TENM2: variants seen among roughly 807,000 people sequenced by gnomAD.
TENM2 encodes the protein teneurin-2.
A neutral mutation model predicts 245.2 loss-of-function variants in TENM2; 52 were observed. The ratio of observed to expected loss-of-function variants is 0.21; its 90% CI spans 0.17 to 0.27. TENM2 has a LOEUF of 0.27. Ranked by LOEUF, TENM2 falls within the 10% of genes least tolerant of loss-of-function variation. The pLI is 1.00. For missense variants in TENM2, 3,046 were observed against 3,666.8 expected, an observed-to-expected ratio of 0.83 and a Z score of 4.37; for synonymous variants, 1,363 against 1,438.9, an observed-to-expected ratio of 0.95 and a Z score of 1.19.
chr5:167,991,421 T>C (rs1314723212), intron 4 of TENM2, among the ~76,000 whole-genome samples: 1 of 152,180 alleles, frequency 6.6e-6, no homozygotes, highest in Non-Finnish European at 1.5e-5. Flanking sequence ...GATTCTAGCA[T>C]TTACTTAACT....
intron 2 of TENM2, among the ~76,000 whole-genome samples, chr5:167,465,911 C>G (rs1475596561): frequency 6.6e-6 from 1 of 152,118 alleles, no homozygotes; most frequent in African/African-American, 2.4e-5. Flanking sequence ...TGGGATGTAT[C>G]AGTATCTGCC....
intron 13 of TENM2, among the ~76,000 whole-genome samples, chr5:168,172,044 A>G (rs779736906): frequency 6.6e-5 from 10 of 152,132 alleles, no homozygotes; most frequent in Middle Eastern, 3.2e-3. Flanking sequence ...GTGGTTCCCT[A>G]CCGGGGCAAC....
intron 2 of TENM2, among the ~76,000 whole-genome samples, chr5:167,665,576 T>C (rs1162006605): frequency 2.0e-5 from 3 of 152,154 alleles, no homozygotes; most frequent in Non-Finnish European, 4.4e-5. Context: ...GAGTGCTTCA[T>C]ATTGAAAAAG....
chr5:168,262,114 G>A (rs373551308), exon 29 of TENM2: 5 of 1,613,894 alleles, frequency 3.1e-6, no homozygotes, highest in South Asian at 1.1e-5. Context: ...TGGAAGGACA[G>A]GTCATTACTA....
intron 2 of TENM2, among the ~76,000 whole-genome samples, chr5:167,444,309 A>G (rs947860000): frequency 7.9e-5 from 12 of 151,792 alleles, no homozygotes; most frequent in Admixed American, 7.2e-4. Flanking sequence ...ACACACACAC[A>G]CACACACACA....
chr5:167,306,910 T>TA (rs1240747007), intron 1 of TENM2, among the ~76,000 whole-genome samples: 1 of 152,234 alleles, frequency 6.6e-6, no homozygotes. Context: ...ATCACTCTGC[T>TA]AAGGACAACC....
At chr5:167,911,765 C>T (rs1275809161) in intron 3 of TENM2, among the ~76,000 whole-genome samples, 1 of 152,128 alleles carries the variant, frequency 6.6e-6, no homozygotes, top group Non-Finnish European at 1.5e-5. Context: ...TCCTTGTCCT[C>T]CAAGGGCACT....
the TENM2 span, among the ~76,000 whole-genome samples, chr5:167,074,721 C>A: frequency 6.6e-6 from 1 of 152,198 alleles, no homozygotes; most frequent in South Asian, 2.1e-4. Context: ...TGGCTCCATA[C>A]GTTTTCATGG....
chr5:167,790,111 G>A (rs958600035), intron 2 of TENM2, among the ~76,000 whole-genome samples: 1 of 151,976 alleles, frequency 6.6e-6, no homozygotes, highest in Admixed American at 6.6e-5. Flanking sequence ...ATAAAAAGCA[G>A]ACTTTTTTTT....
chr5:168,168,289 T>C (rs751462521), intron 13 of TENM2, among the ~76,000 whole-genome samples: 1 of 152,184 alleles, frequency 6.6e-6, no homozygotes, highest in Non-Finnish European at 1.5e-5. Context: ...CCTAATGTCA[T>C]AGTGCTTATA....
intron 5 of TENM2, among the ~76,000 whole-genome samples, chr5:168,044,685 A>T (rs1316565404): frequency 6.6e-6 from 1 of 152,156 alleles, no homozygotes; most frequent in Non-Finnish European, 1.5e-5. Flanking sequence ...AGGAGCCATT[A>T]TTCTACCTGT....
At chr5:167,998,905 G>A (rs1483639926) in intron 5 of TENM2, among the ~76,000 whole-genome samples, 1 of 152,120 alleles carries the variant, frequency 6.6e-6, no homozygotes, top group Non-Finnish European at 1.5e-5. Flanking sequence ...ATTTTCTATG[G>A]AAACTAAAAG....
chr5:167,733,356 T>C (rs915339175), intron 2 of TENM2, among the ~76,000 whole-genome samples: 5 of 151,208 alleles, frequency 3.3e-5, no homozygotes, highest in African/African-American at 1.2e-4. Flanking sequence ...TAACATCTGA[T>C]GATTTGATTT....
At chr5:167,826,460 G>T (rs1191210167) in intron 2 of TENM2, among the ~76,000 whole-genome samples, 4 of 152,090 alleles carry the variant, frequency 2.6e-5, no homozygotes, top group East Asian at 1.9e-4. Context: ...CTCTGCAAAA[G>T]GAAAACTATA....
At chr5:168,215,129 G>A (rs756307223) in exon 21 of TENM2, 16 of 1,613,746 alleles carry the variant, frequency 9.9e-6, no homozygotes, top group Admixed American at 6.7e-5. Context: ...AGAATCTACC[G>A]CGTCAAGTCT....
At chr5:167,942,534 C>T (rs551651508) in intron 3 of TENM2, among the ~76,000 whole-genome samples, 6 of 152,176 alleles carry the variant, frequency 3.9e-5, no homozygotes, top group East Asian at 3.9e-4. Context: ...TGGAGCACAC[C>T]GGGACCCAGT....
At chr5:167,436,664 G>A (rs1403804335) in intron 2 of TENM2, among the ~76,000 whole-genome samples, 1 of 152,162 alleles carries the variant, frequency 6.6e-6, no homozygotes, top group Non-Finnish European at 1.5e-5. Context: ...AGAGGACTAG[G>A]AGAAAATGGT....
At chr5:167,969,621 C>CTT (rs1781624853) in intron 4 of TENM2, among the ~76,000 whole-genome samples, 2 of 152,194 alleles carry the variant, frequency 1.3e-5, no homozygotes, top group Non-Finnish European at 2.9e-5. Flanking sequence ...TCAAGTAATA[C>CTT]TTAAACTCAG....
intron 15 of TENM2, among the ~76,000 whole-genome samples, chr5:168,196,826 G>A (rs34608084): frequency 0.28 from 42,429 of 152,118 alleles, 7,100 homozygotes; most frequent in East Asian, 0.6. Flanking sequence ...ACAACAGAAG[G>A]AGACATTTCT....
Sources: gnomAD v4.1 joint callset for allele counts (sites outside exome capture counted in the v4.1 genomes callset) on GRCh38, gnomAD v4.1.1 for gene constraint, MANE v1.5 for transcripts, NCBI Gene and HGNC (gene_info 2026-07-23, HGNC 2026-07-21) for gene names.